TMEM196: variants seen among roughly 807,000 people sequenced by gnomAD.
TMEM196 encodes transmembrane protein 196.
A neutral mutation model predicts 20.0 loss-of-function variants in TMEM196; 17 were observed. The observed-to-expected ratio is 0.85, with a 90% confidence interval of 0.58 to 1.27. The LOEUF is 1.27. Ranked by LOEUF, TMEM196 falls within the 50% of genes most tolerant of loss-of-function variation. TMEM196 has a pLI of 0.00. For synonymous variants in TMEM196, 113 were observed against 88.9 expected (o/e 1.27, Z -1.52); for missense variants, 267 against 223.0 (o/e 1.20, Z -1.26).
chr7:19,742,091 T>C (rs1456965209), intron 1 of TMEM196, among the ~76,000 whole-genome samples: 1 of 152,178 alleles, frequency 6.6e-6, no homozygotes, highest in Non-Finnish European at 1.5e-5. Context: ...GAAATCCAGA[T>C]ACTTTTCGTT....
At chr7:19,722,278 T>C (rs535845290) in intron 4 of TMEM196, 144 bp from the exon 5 acceptor site, 4 of 647,302 alleles carry the variant, frequency 6.2e-6, no homozygotes, top group Admixed American at 3.6e-5. Flanking sequence ...CTGTTATATT[T>C]GAGGAAATAA....
intron 1 of TMEM196, among the ~76,000 whole-genome samples, chr7:19,746,070 C>T (rs1277471484): frequency 3.3e-5 from 5 of 152,114 alleles, no homozygotes; most frequent in African/African-American, 1.2e-4. Flanking sequence ...ACTAAAAGTT[C>T]TGTTCTTTGA....
intron 1 of TMEM196, among the ~76,000 whole-genome samples, chr7:19,742,536 C>T (rs1487707852): frequency 1.3e-5 from 2 of 152,114 alleles, no homozygotes; most frequent in Non-Finnish European, 2.9e-5. Flanking sequence ...CATTTGACGA[C>T]ATATGTTTTA....
intron 2 of TMEM196, 83 bp downstream of exon 2, chr7:19,729,283 CAATATTCAGTATATGA>C: frequency 1.2e-6 from 1 of 804,522 alleles, no homozygotes. Flanking sequence ...CTCAAACTAG[CAATATTCAGTATATGA>C]AAGCTGGCTA....
At chr7:19,755,741 A>G (rs552420254) in intron 1 of TMEM196, among the ~76,000 whole-genome samples, 46 of 152,306 alleles carry the variant, frequency 3.0e-4, no homozygotes, top group African/African-American at 9.9e-4. Flanking sequence ...AGCAAAACAA[A>G]ATGTGAGGCC....
At chr7:19,742,522 G>A (rs781052404) in intron 1 of TMEM196, among the ~76,000 whole-genome samples, 21 of 152,000 alleles carry the variant, frequency 1.4e-4, no homozygotes, top group Non-Finnish European at 2.8e-4. Context: ...AAGAGACATC[G>A]CTCCATTTGA....
intron 1 of TMEM196, among the ~76,000 whole-genome samples, chr7:19,771,104 A>T (rs1341059351): frequency 6.6e-6 from 1 of 152,162 alleles, no homozygotes; most frequent in Non-Finnish European, 1.5e-5. Context: ...TGTTTATATG[A>T]TAACAACAAA....
intron 1 of TMEM196, among the ~76,000 whole-genome samples, chr7:19,765,552 A>G (rs10486366): frequency 0.26 from 38,958 of 152,054 alleles, 5,589 homozygotes; most frequent in East Asian, 0.41. Flanking sequence ...AAGTATTTAC[A>G]TAGTTCTAAA....
chr7:19,743,290 C>T (rs188186466), intron 1 of TMEM196, among the ~76,000 whole-genome samples: 26 of 152,148 alleles, frequency 1.7e-4, no homozygotes, highest in African/African-American at 6.3e-4. Context: ...ATGGCCTCTT[C>T]AAGAGGTATT....
At chr7:19,735,336 T>C (rs758198166) in intron 1 of TMEM196, among the ~76,000 whole-genome samples, 2 of 152,194 alleles carry the variant, frequency 1.3e-5, no homozygotes, top group African/African-American at 4.8e-5. Context: ...TAAATGTGAA[T>C]GTTTTCCATT....
At chr7:19,751,123 G>A (rs1331003980) in intron 1 of TMEM196, among the ~76,000 whole-genome samples, 2 of 152,184 alleles carry the variant, frequency 1.3e-5, no homozygotes, top group Non-Finnish European at 2.9e-5. Context: ...ACCATGTGAA[G>A]AAGAAATATA....
intron 4 of TMEM196, among the ~76,000 whole-genome samples, chr7:19,722,665 T>G (rs1246159693): frequency 6.6e-6 from 1 of 152,158 alleles, no homozygotes; most frequent in Non-Finnish European, 1.5e-5. Context: ...ACTATCACTC[T>G]TCCAGTAAGA....
intron 1 of TMEM196, among the ~76,000 whole-genome samples, chr7:19,766,596 T>A (rs1785637737): frequency 6.6e-6 from 1 of 151,496 alleles, no homozygotes; most frequent in East Asian, 1.9e-4. Context: ...TATATATAAC[T>A]TTTTTAATGC....
chr7:19,758,587 A>G (rs906593968), intron 1 of TMEM196, among the ~76,000 whole-genome samples: 7 of 152,310 alleles, frequency 4.6e-5, no homozygotes, highest in African/African-American at 1.4e-4. Context: ...TCTGGACTTT[A>G]GTTTACTTAT....
chr7:19,769,706 A>G (rs1785783894), intron 1 of TMEM196, among the ~76,000 whole-genome samples: 1 of 152,212 alleles, frequency 6.6e-6, no homozygotes, highest in African/African-American at 2.4e-5. Flanking sequence ...TTTGGGAAAA[A>G]AAACAATACA....
intron 2 of TMEM196, among the ~76,000 whole-genome samples, chr7:19,728,104 G>C (rs1176994832): frequency 6.6e-6 from 1 of 152,058 alleles, no homozygotes; most frequent in Non-Finnish European, 1.5e-5. Flanking sequence ...GAGAAAGACA[G>C]AGAAGTGCCA....
chr7:19,755,422 G>A (rs1462674768), intron 1 of TMEM196, among the ~76,000 whole-genome samples: 1 of 152,166 alleles, frequency 6.6e-6, no homozygotes, highest in African/African-American at 2.4e-5. Flanking sequence ...AGTTCAGTGG[G>A]AGAAGTGGGA....
intron 2 of TMEM196, among the ~76,000 whole-genome samples, chr7:19,726,476 A>G (rs1035658086): frequency 1.3e-5 from 2 of 152,192 alleles, no homozygotes; most frequent in Non-Finnish European, 2.9e-5. Flanking sequence ...ACCCCTATAT[A>G]TTACAAATAT....
chr7:19,762,148 A>G (rs1785460392), intron 1 of TMEM196, among the ~76,000 whole-genome samples: 1 of 152,140 alleles, frequency 6.6e-6, no homozygotes, highest in Non-Finnish European at 1.5e-5. Context: ...TTGAATTTGC[A>G]GTATATTTAA....
Sources: gnomAD v4.1 joint callset for allele counts (sites outside exome capture counted in the v4.1 genomes callset) on GRCh38, gnomAD v4.1.1 for gene constraint, MANE v1.5 for transcripts, NCBI Gene and HGNC (gene_info 2026-07-23, HGNC 2026-07-21) for gene names.